The following SDK1 variants were observed in gnomAD, a reference collection of about 807,000 sequenced individuals.
SDK1 encodes the protein sidekick cell adhesion molecule 1, also known as protein sidekick-1.
A neutral mutation model predicts 245.5 loss-of-function variants in SDK1; 157 were observed. The ratio of observed to expected loss-of-function variants is 0.64; its 90% CI spans 0.56 to 0.73. The LOEUF is 0.73. Among genes scored for constraint, SDK1 ranks in the 30% least tolerant of loss-of-function variants. The probability of loss-of-function intolerance (pLI) is 0.00; values close to 1 mark genes in which losing one functional copy is unlikely to be tolerated. For missense variants in SDK1, 3,583 were observed against 3,002.3 expected (o/e 1.19, Z -4.52); for synonymous variants, 1,647 against 1,278.5 (o/e 1.29, Z -6.15).
rs141617684 is a variant in SDK1 at position 3,557,928 on chromosome 7, G to T, written c.299-61152G>T. ...ATGTAGATCATACCATATGTAAATA[G>T]AAAAGTATGCTTGTACATTGTCTTT... On this transcript the variant is annotated intron_variant, in intron 1 of 44. Transcript: ENST00000404826. 3.3e-5 allele frequency among the ~76,000 whole-genome samples: 5 copies of T among 152,228 alleles called. No homozygotes were observed. The East Asian group carries it at 9.7e-4, about 29-fold the overall frequency.
chr7:4,010,816 C>T, intron 14 of SDK1, 150 bp from the exon 15 acceptor site: 1 of 790,026 alleles, frequency 1.3e-6, no homozygotes, highest in Non-Finnish European at 1.9e-6. Context: ...GCCTCAGTTT[C>T]CACACCTGCT....
chr7:4,074,406 C>A (rs1466960148), intron 20 of SDK1, among the ~76,000 whole-genome samples: 1 of 152,152 alleles, frequency 6.6e-6, no homozygotes, highest in African/African-American at 2.4e-5. Context: ...TCCAGCAAGT[C>A]CACGAAGCTT....
intron 1 of SDK1, among the ~76,000 whole-genome samples, chr7:3,471,160 G>C (rs972971994): frequency 4.6e-5 from 7 of 152,086 alleles, no homozygotes; most frequent in Non-Finnish European, 8.8e-5. Flanking sequence ...AAACTATTTG[G>C]ATTTTATGTA....
intron 5 of SDK1, among the ~76,000 whole-genome samples, chr7:3,920,358 A>G (rs952542451): frequency 2.6e-5 from 4 of 152,160 alleles, no homozygotes; most frequent in African/African-American, 9.7e-5. Flanking sequence ...GGACTGAGAC[A>G]GGAGTGGTAA....
At position 3,772,040 on chromosome 7, in the gene SDK1, C is replaced by G. The variant is rs114104912; in HGVS notation, c.714-49410C>G. On this transcript the variant is annotated intron_variant, in intron 4 of 44. Transcript: ENST00000404826. Reference sequence around the variant, plus strand: ...TCATTTTGTGACTGGCTTCTTTCACCTAATGTAATGTCCTCAAAATTTGTT... The same window carrying G: ...TCATTTTGTGACTGGCTTCTTTCACGTAATGTAATGTCCTCAAAATTTGTT... Among the ~76,000 whole-genome samples, 729 of 152,244 alleles carry G rather than the reference C, an allele frequency of 4.8e-3. 5 individuals are homozygous for G. The highest frequency in any genetic ancestry group is 0.016 in the African/African-American group (680 of 41,534).
intron 1 of SDK1, among the ~76,000 whole-genome samples, chr7:3,568,617 C>G (rs1780002975): frequency 6.6e-6 from 1 of 152,120 alleles, no homozygotes; most frequent in African/African-American, 2.4e-5. Flanking sequence ...TCTAGAGGAC[C>G]TCAGAAATGG....
chr7:3,843,729 C>T (rs1039083786), intron 5 of SDK1, among the ~76,000 whole-genome samples: 1 of 152,150 alleles, frequency 6.6e-6, no homozygotes, highest in Non-Finnish European at 1.5e-5. Context: ...ATGAAGCCAT[C>T]GGGACGCTGA....
chr7:4,086,383 G>A (rs949117044), intron 22 of SDK1, among the ~76,000 whole-genome samples: 1 of 152,182 alleles, frequency 6.6e-6, no homozygotes, highest in African/African-American at 2.4e-5. Flanking sequence ...TCCAGCATGG[G>A]TCTCACCAGA....
At chr7:3,596,079 A>G (rs999738001) in intron 1 of SDK1, among the ~76,000 whole-genome samples, 1 of 152,018 alleles carries the variant, frequency 6.6e-6, no homozygotes, top group Non-Finnish European at 1.5e-5. Context: ...TAGGTAGCAC[A>G]GATTAATTAT....
chr7:3,587,578 T>G (rs1224963779), intron 1 of SDK1, among the ~76,000 whole-genome samples: 1 of 152,204 alleles, frequency 6.6e-6, no homozygotes, highest in East Asian at 1.9e-4. Flanking sequence ...GAATCCAACT[T>G]TCCTCCGCTT....
intron 1 of SDK1, among the ~76,000 whole-genome samples, chr7:3,415,799 T>C (rs982941268): frequency 1.3e-5 from 2 of 152,070 alleles, no homozygotes; most frequent in African/African-American, 2.4e-5. Flanking sequence ...CTATGTTTTC[T>C]TCACCAATTT....
chr7:3,775,637 C>T (rs988517968), intron 4 of SDK1, among the ~76,000 whole-genome samples: 4 of 150,676 alleles, frequency 2.7e-5, no homozygotes, highest in Non-Finnish European at 2.9e-5. Context: ...ACTGCAGTGG[C>T]GTAATCTCGG....
chr7:3,421,071 T>TA (rs1779522175), intron 1 of SDK1, among the ~76,000 whole-genome samples: 1 of 151,288 alleles, frequency 6.6e-6, no homozygotes, highest in Non-Finnish European at 1.5e-5. Context: ...TTTTTTTTTT[T>TA]AACAGCAAAT....
intron 16 of SDK1, among the ~76,000 whole-genome samples, chr7:4,015,854 A>G (rs145669583): frequency 4.6e-5 from 7 of 152,250 alleles, no homozygotes; most frequent in African/African-American, 1.7e-4. Context: ...TTTGTTTTCT[A>G]TCAAACAGGC....
chr7:4,242,030 C>A, intron 43 of SDK1, 117 bp downstream of exon 43: 1 of 1,270,258 alleles, frequency 7.9e-7, no homozygotes, highest in Non-Finnish European at 1.1e-6. Context: ...GGAAGCAAAA[C>A]CCAACCCACC....
In SDK1 at chr7:3,766,108, G is replaced by T. The variant is rs1780246149; in HGVS notation, c.714-55342G>T. Among the ~76,000 whole-genome samples the T allele has an allele frequency of 2.6e-5, 4 of 152,184 alleles. No individual in the cohort carries two copies. The South Asian group carries it at 8.3e-4, about 32-fold the overall frequency. ...TTCTGGCCGGTTGACCAAAATTTTT[G>T]GTGATGAGTAGAAACTTCATGTTTG... On this transcript the variant is annotated intron_variant, in intron 4 of 44. Transcript: ENST00000404826.
intron 1 of SDK1, among the ~76,000 whole-genome samples, chr7:3,390,465 C>A (rs1206599758): frequency 2.0e-5 from 3 of 152,136 alleles, no homozygotes. Flanking sequence ...CTTTCCTATA[C>A]CGAGTTAAAT....
chr7:3,802,906 T>C (rs1028597267), intron 4 of SDK1, among the ~76,000 whole-genome samples: 39 of 152,242 alleles, frequency 2.6e-4, no homozygotes, highest in African/African-American at 8.7e-4. Context: ...AGGTTTTGGT[T>C]GTTACAAATA....
intron 4 of SDK1, among the ~76,000 whole-genome samples, chr7:3,789,232 C>T (rs948939387): frequency 3.3e-5 from 5 of 152,174 alleles, no homozygotes; most frequent in African/African-American, 1.2e-4. Flanking sequence ...ACCGCAACCT[C>T]CACCTCCCAG....
Sources: allele counts gnomAD v4.1 joint callset (sites outside exome capture counted in the v4.1 genomes callset), GRCh38; gene constraint gnomAD v4.1.1; transcripts MANE v1.5; gene names NCBI Gene and HGNC (gene_info 2026-07-23, HGNC 2026-07-21).